Variants in TTI1 observed in about 807,000 individuals in gnomAD.
TTI1 encodes TELO2 interacting protein 1.
TTI1 carries 52 observed loss-of-function variants against 85.4 expected under a neutral mutation model. The ratio of observed to expected loss-of-function variants is 0.61; its 90% CI spans 0.49 to 0.77. TTI1 has a LOEUF of 0.77. Among genes scored for constraint, TTI1 ranks in the 30% least tolerant of loss-of-function variants. The probability of loss-of-function intolerance (pLI) is 0.00; values close to 1 mark genes in which losing one functional copy is unlikely to be tolerated. For synonymous variants in TTI1, 512 were observed against 503.9 expected, an observed-to-expected ratio of 1.02 and a Z score of -0.22; for missense variants, 1,173 against 1,296.0, an observed-to-expected ratio of 0.91 and a Z score of 1.46.
intron 2 of TTI1, 110 bp from the exon 3 acceptor site, chr20:38,006,507 G>C: frequency 8.3e-7 from 1 of 1,208,864 alleles, no homozygotes; most frequent in South Asian, 1.4e-5. Context: ...ACATGATTCA[G>C]TCCCTGCCTG....
chr20:38,009,138 C>T (rs1468815141), intron 2 of TTI1, among the ~76,000 whole-genome samples: 1 of 152,186 alleles, frequency 6.6e-6, no homozygotes, highest in Non-Finnish European at 1.5e-5. Flanking sequence ...TCTTAACCTA[C>T]ATTTTAAAAA....
At chr20:38,015,578 G>A (rs2073671059) in intron 1 of TTI1, among the ~76,000 whole-genome samples, 1 of 152,090 alleles carries the variant, frequency 6.6e-6, no homozygotes, top group African/African-American at 2.4e-5. Context: ...AAGCATTTGA[G>A]CACTCCTTGA....
chr20:37,983,686 G>T, intron 7 of TTI1, 47 bp from the exon 8 acceptor site: 2 of 1,421,958 alleles, frequency 1.4e-6, no homozygotes, highest in Non-Finnish European at 1.8e-6. Context: ...GAGAGGGAAG[G>T]CGGGGAATGC....
At chr20:38,028,134 T>C (rs1343182573) in intron 1 of TTI1, among the ~76,000 whole-genome samples, 1 of 152,162 alleles carries the variant, frequency 6.6e-6, no homozygotes, top group Non-Finnish European at 1.5e-5. Flanking sequence ...CAATCCACAG[T>C]TGACTGAATC....
chr20:37,983,514 C>G lies in TTI1; in HGVS notation c.3212G>C (p.Ser1071Thr), dbSNP rs755366423. 1 of 1,611,852 alleles carries G rather than the reference C, an allele frequency of 6.2e-7. No homozygotes were observed. Among genetic ancestry groups the G allele is most frequent in the Non-Finnish European group, 8.5e-7 (1 of 1,179,646 alleles). ...GGTCGTGTAGGGGTTCTGCTGCCCGCTGGCCCCGTGCAGCTGCACAGGGTG... is the reference window on the plus strand; with the variant it reads ...GGTCGTGTAGGGGTTCTGCTGCCCGGTGGCCCCGTGCAGCTGCACAGGGTG... Reference protein sequence around the residue: ...SLHPVQLHGASGQQNPYTTNV... With the variant: ...SLHPVQLHGATGQQNPYTTNV... The change falls in exon 8 of 8, where the codon AGC (serine) becomes ACC (threonine). Residue 1071 changes from serine to threonine, a missense_variant. Transcript: ENST00000373447.
intron 1 of TTI1, among the ~76,000 whole-genome samples, chr20:38,020,350 A>ATATATATATATG (rs1487473454): frequency 1.2e-4 from 15 of 125,832 alleles, no homozygotes; most frequent in African/African-American, 3.5e-4. Context: ...ATATATATAT[A>ATATATATATATG]TATGTATGTA....
intron 7 of TTI1, among the ~76,000 whole-genome samples, chr20:37,990,072 G>C (rs1419383932): frequency 1.3e-5 from 2 of 152,186 alleles, no homozygotes; most frequent in Non-Finnish European, 2.9e-5. Flanking sequence ...TTTGCTGTCT[G>C]TCAGGAAGCA....
chr20:37,997,461 T>G (rs892188025), intron 5 of TTI1, among the ~76,000 whole-genome samples: 2 of 151,770 alleles, frequency 1.3e-5, no homozygotes, highest in Non-Finnish European at 3.0e-5. Flanking sequence ...GTCCCTGAAG[T>G]TGCAGCCGAC....
chr20:37,988,302 C>T (rs11908128), intron 7 of TTI1, among the ~76,000 whole-genome samples: 306 of 152,282 alleles, frequency 2.0e-3, no homozygotes, highest in African/African-American at 6.6e-3. Context: ...CAACAGACCA[C>T]GAGAGTTTTC....
intron 1 of TTI1, among the ~76,000 whole-genome samples, chr20:38,029,453 C>G (rs1600661351): frequency 6.6e-6 from 1 of 151,760 alleles, no homozygotes; most frequent in South Asian, 2.1e-4. Context: ...GGAGCAGAAA[C>G]TGACAAAACT....
chr20:37,991,136 G>C (rs919395538), intron 7 of TTI1, among the ~76,000 whole-genome samples: 24 of 152,192 alleles, frequency 1.6e-4, no homozygotes, highest in African/African-American at 5.8e-4. Context: ...AGCAATGCCT[G>C]TCAAAAGATG....
chr20:38,033,287 G>A (rs1309759428), intron 1 of TTI1, 117 bp downstream of exon 1: 1 of 152,326 alleles, frequency 6.6e-6, no homozygotes, highest in Non-Finnish European at 1.5e-5. Context: ...AGATTAGAAA[G>A]GAAATCCCCC....
At chr20:38,009,935 T>C (rs1465760667) in intron 2 of TTI1, among the ~76,000 whole-genome samples, 2 of 152,248 alleles carry the variant, frequency 1.3e-5, no homozygotes, top group East Asian at 3.8e-4. Flanking sequence ...AGCCTGTGTC[T>C]GTTACACTGA....
intron 7 of TTI1, among the ~76,000 whole-genome samples, chr20:37,993,607 TACAGGGCTGGTGCACATCCCTCTCCTTCC>T (rs2073296877): frequency 8.5e-5 from 13 of 152,310 alleles, no homozygotes; most frequent in Admixed American, 4.6e-4. Context: ...ATGGCTGTTC[TACAGGGCTGGTGCACATCCCTCTCCTTCC>T]AGAAGACAGG....
In TTI1 at chr20:38,013,031, A is replaced by C; in HGVS notation, c.786T>G (p.Pro262=). ...LKRISKVQAK[P]AVEHRVAELM... The stretch of plus-strand genomic sequence containing the variant: ...GCTCTGCTACTCTGTGCTCAACTGC[A>C]GGTTTTGCTTGGACCTTTGAGATTC... The change falls in exon 2 of 8, where the codon CCT becomes CCG. Residue 262 remains proline (P), a synonymous_variant. Coordinates refer to ENST00000373447, the MANE Select transcript of TTI1 (RefSeq NM_001303457.2). The C allele has an allele frequency of 6.2e-7, 1 of 1,614,098 alleles. No individual in the cohort carries two copies. Among genetic ancestry groups the C allele is most frequent in the Non-Finnish European group, 8.5e-7 (1 of 1,180,040 alleles).
intron 1 of TTI1, among the ~76,000 whole-genome samples, chr20:38,022,546 A>C (rs1233172426): frequency 6.6e-6 from 1 of 152,196 alleles, no homozygotes; most frequent in African/African-American, 2.4e-5. Flanking sequence ...TCATTTGTAG[A>C]GTGCTGATAT....
intron 1 of TTI1, among the ~76,000 whole-genome samples, chr20:38,032,456 CT>C (rs924166475): frequency 1.3e-5 from 2 of 152,208 alleles, no homozygotes; most frequent in Admixed American, 1.3e-4. Flanking sequence ...TTAAAACCCT[CT>C]TATGTCTATA....
At chr20:38,006,025 T>G (rs1329525266) in intron 3 of TTI1, 172 bp downstream of exon 3, 2 of 797,372 alleles carry the variant, frequency 2.5e-6, no homozygotes, top group Admixed American at 2.9e-5. Flanking sequence ...AACAGTTTTG[T>G]AACAGAAAAG....
chr20:38,027,663 C>T (rs956838331), intron 1 of TTI1, among the ~76,000 whole-genome samples: 2 of 152,188 alleles, frequency 1.3e-5, no homozygotes, highest in Admixed American at 1.3e-4. Context: ...CAGTGGCTCA[C>T]GCCTGCATCC....
Sources: allele counts gnomAD v4.1 joint callset (sites outside exome capture counted in the v4.1 genomes callset), GRCh38; gene constraint gnomAD v4.1.1; transcripts MANE v1.5; gene names NCBI Gene and HGNC (gene_info 2026-07-23, HGNC 2026-07-21).